Variants in CCDC187 observed in about 807,000 individuals in gnomAD.
The protein encoded by CCDC187 is coiled-coil domain containing 187, also known as coiled-coil domain-containing protein 187.
In CCDC187, 32 loss-of-function variants were observed where a neutral mutation model predicts 38.0. The ratio of observed to expected loss-of-function variants is 0.84; its 90% CI spans 0.64 to 1.13. CCDC187 has a LOEUF of 1.13. Among genes scored for constraint, CCDC187 ranks in the 50% most tolerant of loss-of-function variants. CCDC187 has a pLI of 0.00. For missense variants in CCDC187, 707 were observed against 786.8 expected, an observed-to-expected ratio of 0.90 and a Z score of 1.21; for synonymous variants, 333 against 347.9, an observed-to-expected ratio of 0.96 and a Z score of 0.48.
rs1310898069 is a variant in CCDC187 at position 136,292,273 on chromosome 9, G to A, written c.855C>T (p.Tyr285=). The stretch of plus-strand genomic sequence containing the variant: ...CCAGAGCTTGTCCCTTTCTCCAGGC[G>A]TAAACACCAACCAGCTCCGAATCTT... The part of the protein sequence containing the change: ...KDEDSELVGV[Y]AWRKGQALVR... The change falls in exon 5 of 26, where the codon TAC becomes TAT. Residue 285 remains tyrosine (Y), a synonymous_variant. Coordinates refer to ENST00000638797, the MANE Select transcript of CCDC187 (RefSeq NM_001378188.1). 11 of 398,646 alleles carry A rather than the reference G, an allele frequency of 2.8e-5. No homozygotes were observed. The highest frequency in any genetic ancestry group is 1.2e-4 in the African/African-American group (6 of 48,634). 24.7% of individuals were successfully genotyped at this position (398,646 alleles called of 1,614,324 possible). A position where few individuals can be genotyped will look rare whatever the true frequency, so the allele number is the denominator to read the frequency against.
chr9:136,293,459 T>TGCTCACA lies in CCDC187; in HGVS notation c.833-1165_833-1164insTGTGAGC, dbSNP rs1831425664. ...CTCACACACTCACACATGCTCACAC[T>TGCTCACA]CACACTCACATGCTCACACACTCAC... On this transcript the variant is annotated intron_variant, in intron 4 of 25. Transcript: ENST00000638797. Among the ~76,000 whole-genome samples, 27 of 40,140 alleles carry TGCTCACA rather than the reference T, an allele frequency of 6.7e-4. 1 individual carries two copies. The highest frequency in any genetic ancestry group is 2.3e-3 in the East Asian group (4 of 1,756). The allele number at this position is 40,140 out of a possible 152,430, so 26.3% of individuals were successfully genotyped here.
intron 10 of CCDC187, among the ~76,000 whole-genome samples, chr9:136,277,739 G>T (rs1410281000): frequency 2.6e-5 from 4 of 152,174 alleles, no homozygotes; most frequent in Non-Finnish European, 2.9e-5. Flanking sequence ...CACAGAGGCT[G>T]CCACCAGGAG....
chr9:136,290,906 G>C lies in CCDC187; in HGVS notation c.1707C>G (p.Ala569=). The C allele has an allele frequency of 2.5e-6, 1 of 398,682 alleles. No homozygotes were observed. Among genetic ancestry groups the C allele is most frequent in the Non-Finnish European group, 4.4e-6 (1 of 226,092 alleles). The allele number at this position is 398,682 out of a possible 1,614,324, so 24.7% of individuals were successfully genotyped here. Residue 569 remains alanine (A), a synonymous_variant, in exon 6 of 26, where the codon GCC becomes GCG. Transcript: ENST00000638797. ...RNPLERPSPP[A]QRPWSSSGVQ... ...CGCCGGAGCTGCTCCAGGGCCGCTG[G>C]GCTGGAGGACTGGGCCTTTCCAGAG...
intron 6 of CCDC187, 22 bp from the exon 7 acceptor site, chr9:136,290,075 T>A (rs1401136134): frequency 2.5e-6 from 1 of 398,584 alleles, no homozygotes; most frequent in Admixed American, 4.4e-5. Context: ...GGCAATGCCA[T>A]CAGAGCCCCC....
rs981863102 is a variant in CCDC187, at chr9:136,290,658, C to A, written c.1955G>T (p.Arg652Leu). 8 of 398,266 alleles carry A rather than the reference C, an allele frequency of 2.0e-5. No individual in the cohort carries two copies. The highest frequency in any genetic ancestry group is 3.5e-5 in the Non-Finnish European group (8 of 226,002). The allele number at this position is 398,266 out of a possible 1,614,324, so 24.7% of individuals were successfully genotyped here. Residue 652 changes from arginine to leucine, a missense_variant, in exon 6 of 26, where the codon CGG becomes CTG. Arg to Leu is a moderately radical substitution (Grantham distance 102, BLOSUM62 -2). Transcript: ENST00000638797. ...CGAGGCCTTCTCCTCCAGGGCCTGCCGCCGCCGGGCCTGCGCCTTCTGGCG... is the reference window on the plus strand; with the variant it reads ...CGAGGCCTTCTCCTCCAGGGCCTGCAGCCGCCGGGCCTGCGCCTTCTGGCG... ...FMRQKAQARR[R>L]QALEEKASAL...
At chr9:136,277,076 C>G (rs931802312) in intron 10 of CCDC187, among the ~76,000 whole-genome samples, 1,532 of 151,992 alleles carry the variant, frequency 0.01, 15 homozygotes, top group South Asian at 0.03. Context: ...GTGGGGAGGG[C>G]GGAGGCCCAG....
intron 20 of CCDC187, 131 bp downstream of exon 20, chr9:136,259,988 G>T: frequency 2.5e-6 from 2 of 786,716 alleles, no homozygotes; most frequent in East Asian, 1.3e-4. Flanking sequence ...GGGTGGCCCG[G>T]TCACAGGCGG....
intron 6 of CCDC187, 104 bp downstream of exon 6, chr9:136,290,382 G>T (rs907035349): frequency 5.0e-6 from 2 of 397,736 alleles, no homozygotes; most frequent in Non-Finnish European, 8.9e-6. Context: ...GCCCTCGCCC[G>T]GCCACTCCCT....
chr9:136,290,819 C>A lies in CCDC187; in HGVS notation c.1794G>T (p.Lys598Asn), dbSNP rs1266270718. The change falls in exon 6 of 26, where the codon AAG becomes AAT. Residue 598 changes from lysine to asparagine, a missense_variant. Transcript: ENST00000638797. Reference protein sequence around the residue: ...RGIGSPVSAAKHALPRPTGSF... With the variant: ...RGIGSPVSAANHALPRPTGSF... ...TCCCGGTGGGCCTTGGCAGGGCATG[C>A]TTGGCAGCCGAGACGGGGGAGCCGA... The A allele has an allele frequency of 2.5e-6, 1 of 398,536 alleles. No homozygotes were observed. The highest frequency in any genetic ancestry group is 1.3e-4 in the South Asian group (1 of 7,860). 24.7% of individuals were successfully genotyped at this position (398,536 alleles called of 1,614,324 possible).
chr9:136,283,908 T>C (rs1035448242), intron 9 of CCDC187, among the ~76,000 whole-genome samples: 75 of 152,274 alleles, frequency 4.9e-4, no homozygotes, highest in African/African-American at 1.7e-3. Flanking sequence ...GCTGCCCTCT[T>C]CTGGTCACAA....
chr9:136,305,725 G>A (rs1202748945), upstream of CCDC187, among the ~76,000 whole-genome samples: 4 of 152,214 alleles, frequency 2.6e-5, no homozygotes, highest in Admixed American at 6.5e-5. Flanking sequence ...GAAATGCGTC[G>A]CTGTGACTGG....
chr9:136,272,308 A>G (rs1381386894), intron 14 of CCDC187, among the ~76,000 whole-genome samples: 4 of 152,254 alleles, frequency 2.6e-5, no homozygotes, highest in Non-Finnish European at 5.9e-5. Flanking sequence ...ACTTTTAACA[A>G]GATAATTGGC....
Position 136,267,413 on chromosome 9 carries a change from C to A in CCDC187, c.3618G>T (p.Ala1206=). The A allele has an allele frequency of 3.0e-6, 3 of 985,582 alleles. No homozygotes were observed. The African/African-American group carries it at 5.2e-5, about 17-fold the overall frequency. The allele number at this position is 985,582 out of a possible 1,614,324, so 61.1% of individuals were successfully genotyped here. ...REMALQEKTL[A]ELAWLEHRRG... ...GTCGATGCTCCAGCCAGGCCAGCTC[C>A]GCGAGCGTTTTCTCCTGGAGCGCCA... is the stretch of plus-strand genomic sequence containing the variant. The change falls in exon 16 of 26, where the codon GCG becomes GCT. Residue 1206 remains alanine, a synonymous_variant. Coordinates refer to ENST00000638797, the MANE Select transcript of CCDC187 (RefSeq NM_001378188.1).
At chr9:136,296,961 C>T (rs1334097702) in intron 4 of CCDC187, among the ~76,000 whole-genome samples, 1 of 152,116 alleles carries the variant, frequency 6.6e-6, no homozygotes, top group African/African-American at 2.4e-5. Flanking sequence ...GTGGGGTCTG[C>T]GGAAGACCCT....
chr9:136,270,767 C>T (rs1446681504), intron 14 of CCDC187, among the ~76,000 whole-genome samples: 3 of 152,156 alleles, frequency 2.0e-5, no homozygotes, highest in African/African-American at 4.8e-5. Flanking sequence ...CTGGCATTAC[C>T]GCTTGACCAA....
intron 12 of CCDC187, among the ~76,000 whole-genome samples, chr9:136,275,726 C>T (rs1037624838): frequency 3.9e-5 from 6 of 152,196 alleles, no homozygotes; most frequent in Admixed American, 6.5e-5. Context: ...TGAGCCACCC[C>T]GGGCAGTGGG....
chr9:136,292,114 G>C (rs1831346109), intron 5 of CCDC187, 47 bp downstream of exon 5: 2 of 398,696 alleles, frequency 5.0e-6, no homozygotes, highest in Non-Finnish European at 8.8e-6. Context: ...CCCGCCCCCA[G>C]ATGCCACAGC....
chr9:136,282,664 G>T (rs1414881637), intron 9 of CCDC187, among the ~76,000 whole-genome samples: 1 of 152,190 alleles, frequency 6.6e-6, no homozygotes, highest in African/African-American at 2.4e-5. Context: ...GGGTAGACAC[G>T]CCCTCCCTCA....
chr9:136,292,438 C>T, intron 4 of CCDC187, 143 bp from the exon 5 acceptor site: 1 of 396,280 alleles, frequency 2.5e-6, no homozygotes, highest in East Asian at 3.6e-5. Flanking sequence ...CCCTCATGTC[C>T]AGGCCCCTGT....
Sources: gnomAD v4.1 joint callset for allele counts (sites outside exome capture counted in the v4.1 genomes callset) on GRCh38, gnomAD v4.1.1 for gene constraint, MANE v1.5 for transcripts, NCBI Gene and HGNC (gene_info 2026-07-23, HGNC 2026-07-21) for gene names.